Variants in CASTOR2 observed in about 807,000 individuals in gnomAD.
CASTOR2 encodes the protein cytosolic arginine sensor for mTORC1 subunit 2, also known as GATS protein like 2.
In CASTOR2, 8 loss-of-function variants were observed where a neutral mutation model predicts 31.2. That is an observed-to-expected ratio of 0.26 (90% CI 0.15 to 0.46). CASTOR2 has a LOEUF of 0.46. Among genes scored for constraint, CASTOR2 ranks in the 20% least tolerant of loss-of-function variants. The pLI is 0.99. For missense variants in CASTOR2, 216 were observed against 382.1 expected, an observed-to-expected ratio of 0.57 and a Z score of 3.62; for synonymous variants, 162 against 158.7, an observed-to-expected ratio of 1.02 and a Z score of -0.16.
intron 2 of CASTOR2, among the ~76,000 whole-genome samples, chr7:75,012,698 G>A (rs1295695587): frequency 6.6e-6 from 1 of 150,488 alleles, no homozygotes; most frequent in Non-Finnish European, 1.5e-5. Context: ...GAGTGTAGTG[G>A]CATGATCTCA....
Position 75,024,876 on chromosome 7 carries a change from T to C in CASTOR2, c.*177T>C, listed in dbSNP as rs1805085206. The C allele has an allele frequency of 4.1e-6, 6 of 1,467,360 alleles. No homozygotes were observed. Among genetic ancestry groups the C allele is most frequent in the African/African-American group, 1.4e-5 (1 of 71,174 alleles). The allele number at this position is 1,467,360 out of a possible 1,614,324, so 90.9% of individuals were successfully genotyped here. On this transcript the variant is annotated 3_prime_UTR_variant, in exon 9 of 9. Transcript: ENST00000616305. ...CAGGGCAGGGGCCCACGCCAAGGCC[T>C]CTCCATGCCCTCCTGCCTTCCCGGA... is the stretch of plus-strand genomic sequence containing the variant.
chr7:75,020,863 C>A (rs1804982795), intron 6 of CASTOR2, among the ~76,000 whole-genome samples: 1 of 152,168 alleles, frequency 6.6e-6, no homozygotes, highest in Non-Finnish European at 1.5e-5. Flanking sequence ...GTGGTGCAGT[C>A]TTGGCTCACT....
In CASTOR2 at chr7:75,030,185, G is replaced by A. The variant is rs1335686013; in HGVS notation, c.*5486G>A. Reference sequence around the variant, plus strand: ...AGGGTGGCCTGTGTGCTAGGAGTGGGGGTGCAGGCCTAGGTGTGTTTATGC... The same window carrying A: ...AGGGTGGCCTGTGTGCTAGGAGTGGAGGTGCAGGCCTAGGTGTGTTTATGC... On this transcript the variant is annotated 3_prime_UTR_variant, in exon 9 of 9. Transcript: ENST00000616305. 6.6e-6 allele frequency among the ~76,000 whole-genome samples: 1 copy of A among 152,248 alleles called. No individual in the cohort carries two copies. The highest frequency in any genetic ancestry group is 1.5e-5 in the Non-Finnish European group (1 of 68,046).
At chr7:75,012,721 C>T (rs1415760614) in intron 2 of CASTOR2, among the ~76,000 whole-genome samples, 3 of 151,800 alleles carry the variant, frequency 2.0e-5, no homozygotes, top group African/African-American at 7.3e-5. Context: ...TCACTGCAAC[C>T]TCCACCTCCT....
rs1399817906 is a variant in CASTOR2 at position 75,017,994 on chromosome 7, G to A, written c.383G>A (p.Arg128His). 8.1e-6 allele frequency: 13 copies of A among 1,614,064 alleles called. No individual in the cohort carries two copies. The highest frequency in any genetic ancestry group is 5.3e-5 in the African/African-American group (4 of 74,928). ...GCCTCAACTTCTTGCCCCTAGGTGC[G>A]CGAGCGGGACCTGCCCTTTGTCACC... ...STYQTDFILV[R>H]ERDLPFVTHT... The change falls in exon 4 of 9, where the codon CGC becomes CAC. Residue 128 changes from arginine (R) to histidine (H), a missense_variant. Transcript: ENST00000616305.
chr7:75,003,704 T>C (rs1361700350), intron 1 of CASTOR2, among the ~76,000 whole-genome samples: 1 of 150,308 alleles, frequency 6.7e-6, no homozygotes, highest in Non-Finnish European at 1.5e-5. Flanking sequence ...GAGCCGAGAT[T>C]GCGCCACTGC....
chr7:74,996,717 T>TC (rs1804357602), intron 1 of CASTOR2, among the ~76,000 whole-genome samples: 1 of 86,952 alleles, frequency 1.2e-5, no homozygotes, highest in Admixed American at 1.1e-4. Context: ...GCCTGGTGCT[T>TC]TTTTTTTTTT....
At chr7:75,007,343 G>A (rs1304265132) in intron 1 of CASTOR2, among the ~76,000 whole-genome samples, 7 of 152,114 alleles carry the variant, frequency 4.6e-5, no homozygotes, top group African/African-American at 1.4e-4. Context: ...TGTTTTTGGA[G>A]AATAGATGGT....
At chr7:74,988,216 G>C (rs1298483083) in intron 1 of CASTOR2, among the ~76,000 whole-genome samples, 2 of 76,594 alleles carry the variant, frequency 2.6e-5, no homozygotes, top group Non-Finnish European at 7.3e-5. Context: ...TGCAATCTCT[G>C]CCTCCCGGGT....
intron 2 of CASTOR2, among the ~76,000 whole-genome samples, chr7:75,016,020 C>G (rs1269202811): frequency 2.0e-5 from 3 of 152,088 alleles, no homozygotes; most frequent in Non-Finnish European, 4.4e-5. Flanking sequence ...GAGCCAAGAT[C>G]ATGCCAATGT....
At chr7:75,011,966 TAAAA>T (rs1804760653) in intron 2 of CASTOR2, among the ~76,000 whole-genome samples, 1 of 146,302 alleles carries the variant, frequency 6.8e-6, no homozygotes, top group Non-Finnish European at 1.5e-5. Flanking sequence ...GACTCCGTCT[TAAAA>T]GAAAGAAAAA....
intron 1 of CASTOR2, among the ~76,000 whole-genome samples, chr7:75,005,101 A>G (rs1804577895): frequency 6.6e-6 from 1 of 151,508 alleles, no homozygotes; most frequent in African/African-American, 2.4e-5. Context: ...TCCTGACCTC[A>G]GGTGATCCAA....
intron 7 of CASTOR2, among the ~76,000 whole-genome samples, chr7:75,023,716 A>G (rs1311184468): frequency 3.9e-5 from 6 of 152,074 alleles, no homozygotes; most frequent in Non-Finnish European, 7.4e-5. Context: ...CTGGGATTAC[A>G]GGCGTGAGCC....
chr7:74,988,665 G>A (rs1421290933), intron 1 of CASTOR2, among the ~76,000 whole-genome samples: 1 of 152,016 alleles, frequency 6.6e-6, no homozygotes, highest in Non-Finnish European at 1.5e-5. Flanking sequence ...GGTTCGTGAC[G>A]TACTTATTGA....
chr7:75,022,722 C>T (rs1805034600), intron 7 of CASTOR2, among the ~76,000 whole-genome samples: 1 of 152,080 alleles, frequency 6.6e-6, no homozygotes, highest in African/African-American at 2.4e-5. Flanking sequence ...TCGCTTGAAC[C>T]CAGGAAGCAG....
chr7:75,010,558 C>A (rs1158046898), intron 2 of CASTOR2, among the ~76,000 whole-genome samples: 1 of 152,136 alleles, frequency 6.6e-6, no homozygotes, highest in African/African-American at 2.4e-5. Flanking sequence ...GAATTGCCCA[C>A]AATCCCTCGA....
At chr7:75,014,272 C>T (rs1240206971) in intron 2 of CASTOR2, among the ~76,000 whole-genome samples, 2 of 151,676 alleles carry the variant, frequency 1.3e-5, no homozygotes, top group Admixed American at 6.6e-5. Context: ...AGGCAGTGAC[C>T]GATCAAAAGG....
At chr7:75,000,971 C>T (rs1446956570) in intron 1 of CASTOR2, among the ~76,000 whole-genome samples, 9 of 152,298 alleles carry the variant, frequency 5.9e-5, no homozygotes, top group South Asian at 2.1e-4. Context: ...CAGGCCAGGC[C>T]GTTAATTCCA....
At chr7:75,017,257 G>A (rs1252848267) in intron 2 of CASTOR2, among the ~76,000 whole-genome samples, 2 of 152,098 alleles carry the variant, frequency 1.3e-5, no homozygotes, top group Non-Finnish European at 2.9e-5. Flanking sequence ...GACCATCCTG[G>A]CCAACATGGT....
Sources: gnomAD v4.1 joint callset for allele counts (sites outside exome capture counted in the v4.1 genomes callset) on GRCh38, gnomAD v4.1.1 for gene constraint, MANE v1.5 for transcripts, NCBI Gene and HGNC (gene_info 2026-07-23, HGNC 2026-07-21) for gene names.